Variants in MIS18BP1 observed in about 807,000 individuals in gnomAD.
MIS18BP1 encodes MIS18 binding protein 1.
A neutral mutation model predicts 116.1 loss-of-function variants in MIS18BP1; 72 were observed. That is an observed-to-expected ratio of 0.62 (90% CI 0.51 to 0.75). The LOEUF (loss-of-function observed/expected upper bound fraction) is 0.75. Among genes scored for constraint, MIS18BP1 ranks in the 30% least tolerant of loss-of-function variants. The pLI, the probability that MIS18BP1 is intolerant of heterozygous loss-of-function variation, is 0.00. For missense variants in MIS18BP1, 1,363 were observed against 1,303.2 expected (o/e 1.05, Z -0.71); for synonymous variants, 386 against 427.0 (o/e 0.90, Z 1.18).
Position 45,204,057 on chromosome 14 carries a change from AAC to A in MIS18BP1, c.*50_*51del. On this transcript the variant is annotated 3_prime_UTR_variant, in exon 17 of 17. Coordinates refer to ENST00000310806, the MANE Select transcript of MIS18BP1 (RefSeq NM_018353.5). Reference sequence around the variant, plus strand: ...TACATGTACTCCAGTTGAAAATACAAACACTGTCTGCTTTATGGTAAAAATCC... The same window carrying A: ...TACATGTACTCCAGTTGAAAATACAAACTGTCTGCTTTATGGTAAAAATCC... 6.3e-7 allele frequency: 1 copy of A among 1,577,778 alleles called. No individual in the cohort carries two copies. The highest frequency in any genetic ancestry group is 2.3e-5 in the East Asian group (1 of 44,010).
intron 6 of MIS18BP1, among the ~76,000 whole-genome samples, chr14:45,233,917 A>T (rs1318549886): frequency 6.6e-6 from 1 of 152,190 alleles, no homozygotes; most frequent in Non-Finnish European, 1.5e-5. Flanking sequence ...ATTGGCATTC[A>T]TCATCATATA....
Position 45,231,206 on chromosome 14 carries a change from C to A in MIS18BP1, c.1529G>T (p.Arg510Leu). 1 of 1,613,824 alleles carries A rather than the reference C, an allele frequency of 6.2e-7. No individual in the cohort carries two copies. The highest frequency in any genetic ancestry group is 8.5e-7 in the Non-Finnish European group (1 of 1,179,858). ...DIRKSMKNDA[R>L]ENQTDTAQRA... is the part of the protein sequence containing the mutation. ...TTGAGCAGTATCTGTTTGGTTTTCTCGTGCATCATTTTTCATTGATTTCCT... is the reference window on the plus strand; with the variant it reads ...TTGAGCAGTATCTGTTTGGTTTTCTAGTGCATCATTTTTCATTGATTTCCT... The change falls in exon 8 of 17, where the codon CGA becomes CTA. Residue 510 changes from arginine (R) to leucine (L), a missense_variant. Transcript: ENST00000310806.
At chr14:45,219,799 T>G (rs967979195) in intron 11 of MIS18BP1, among the ~76,000 whole-genome samples, 3 of 152,208 alleles carry the variant, frequency 2.0e-5, no homozygotes, top group East Asian at 1.9e-4. Flanking sequence ...GCTTCTCTAT[T>G]TGTGTGTGTG....
In MIS18BP1 at chr14:45,224,298, A is replaced by T. The variant is rs1328912797; in HGVS notation, c.2289T>A (p.Tyr763Ter). The change falls in exon 11 of 17, where the codon TAT (tyrosine) becomes TAA (stop). Residue 763 changes from tyrosine to a stop codon, truncating the protein, a stop_gained. Transcript: ENST00000310806. LOFTEE classifies it high-confidence loss of function. Reference protein sequence around the residue: ...KIENQVAMSFYKHQSSPDLSS... With the variant: ...KIENQVAMSF ...ACAAATCTGGTGAGGACTGATGCTT[A>T]TAAAATGACATAGCTACCTGATTTT... 6.2e-7 allele frequency: 1 copy of T among 1,613,902 alleles called. No homozygotes were observed. The highest frequency in any genetic ancestry group is 8.5e-7 in the Non-Finnish European group (1 of 1,179,962).
At chr14:45,211,258 A>T (rs1890666444) in intron 13 of MIS18BP1, among the ~76,000 whole-genome samples, 1 of 152,174 alleles carries the variant, frequency 6.6e-6, no homozygotes, top group Admixed American at 6.5e-5. Context: ...CAGGGGCCGG[A>T]TCCTGGCATA....
intron 13 of MIS18BP1, 23 bp from the exon 14 acceptor site, chr14:45,210,551 C>T: frequency 6.2e-7 from 1 of 1,612,726 alleles, no homozygotes; most frequent in East Asian, 2.2e-5. Flanking sequence ...TATTTATTAT[C>T]AGCAGGCACC....
intron 4 of MIS18BP1, chr14:45,241,428 C>A (rs983657919): frequency 6.6e-6 from 1 of 152,406 alleles, no homozygotes; most frequent in African/African-American, 2.4e-5. Flanking sequence ...CAAGACCACG[C>A]CATTGTGCTC....
chr14:45,221,968 GT>G (rs1292725672), intron 11 of MIS18BP1, among the ~76,000 whole-genome samples: 1 of 152,094 alleles, frequency 6.6e-6, no homozygotes, highest in African/African-American at 2.4e-5. Flanking sequence ...TGCCTTCCTG[GT>G]GACTGACCCT....
chr14:45,247,079 T>A lies in MIS18BP1; in HGVS notation c.208A>T (p.Asn70Tyr), dbSNP rs368313239. 26 of 1,612,624 alleles carry A rather than the reference T, an allele frequency of 1.6e-5. No individual in the cohort carries two copies. Among genetic ancestry groups the A allele is most frequent in the Non-Finnish European group, 2.0e-5 (24 of 1,179,712 alleles). ...KNQFLKMTTF[N>Y]NKNIFQSTML... ...GTTGATTGAAATATATTTTTATTGT[T>A]AAAAGTTGTCATTTTTAGGAACTGA... is the stretch of plus-strand genomic sequence containing the variant. Residue 70 changes from asparagine (N) to tyrosine (Y), a missense_variant, in exon 2 of 17, where the codon AAC (asparagine) becomes TAC (tyrosine). Transcript: ENST00000310806.
Position 45,218,336 on chromosome 14 carries a change from CT to C in MIS18BP1, c.2787del (p.Gly930AspfsTer32). 6.2e-7 allele frequency: 1 copy of C among 1,614,002 alleles called. No homozygotes were observed. The highest frequency in any genetic ancestry group is 8.5e-7 in the Non-Finnish European group (1 of 1,179,996). ...QRKYMENPRG[K>X]GSQKHVTKKK... Reference sequence around the variant, plus strand: ...TTCTTAGTGACATGTTTCTGGGATCCTTTTCCTCTGGGATTTTCCATGTATT... The same window carrying C: ...TTCTTAGTGACATGTTTCTGGGATCCTTTCCTCTGGGATTTTCCATGTATT... On this transcript the variant is annotated frameshift_variant, in exon 12 of 17. Transcript: ENST00000310806. LOFTEE classifies it high-confidence loss of function.
intron 13 of MIS18BP1, among the ~76,000 whole-genome samples, chr14:45,211,943 C>A (rs943610620): frequency 2.6e-5 from 4 of 152,226 alleles, no homozygotes; most frequent in African/African-American, 9.7e-5. Flanking sequence ...ATGTTGGAAC[C>A]AGGTGAGCTG....
intron 13 of MIS18BP1, among the ~76,000 whole-genome samples, chr14:45,213,047 C>T (rs780741044): frequency 6.6e-6 from 1 of 152,196 alleles, no homozygotes; most frequent in African/African-American, 2.4e-5. Flanking sequence ...GTCAAATTCT[C>T]TTTTTAAAAA....
At chr14:45,245,345 C>T (rs569997838) in intron 2 of MIS18BP1, among the ~76,000 whole-genome samples, 3 of 152,008 alleles carry the variant, frequency 2.0e-5, no homozygotes, top group South Asian at 2.1e-4. Flanking sequence ...TTCTCAGTGG[C>T]CTTTCTACTC....
rs532310961 is a variant in MIS18BP1 at position 45,248,067 on chromosome 14, T to TC, written c.-91-691_-91-690insG. 6.9e-3 allele frequency among the ~76,000 whole-genome samples: 1,031 copies of TC among 149,594 alleles called. 21 individuals carry two copies. Among genetic ancestry groups the TC allele is most frequent in the African/African-American group, 0.024 (979 of 40,610 alleles). On this transcript the variant is annotated intron_variant, in intron 1 of 16. Transcript: ENST00000310806. Reference sequence around the variant, plus strand: ...TCTTGTTTCTTTCGTTTTTTTTTTTTTTTTTTCTTTTTTTGGAGACAGAGT... The same window carrying TC: ...TCTTGTTTCTTTCGTTTTTTTTTTTTCTTTTTTCTTTTTTTGGAGACAGAGT...
At chr14:45,235,229 C>T (rs976701283) in intron 6 of MIS18BP1, among the ~76,000 whole-genome samples, 1 of 145,162 alleles carries the variant, frequency 6.9e-6, no homozygotes, top group African/African-American at 2.5e-5. Context: ...AAAACAACCC[C>T]AAGCCTCTTA....
intron 8 of MIS18BP1, among the ~76,000 whole-genome samples, chr14:45,230,936 T>A (rs1170665876): frequency 6.6e-6 from 1 of 152,178 alleles, no homozygotes. Flanking sequence ...TGGTATTTGA[T>A]GAAGCAAGCT....
chr14:45,205,227 A>G (rs1890482118), intron 15 of MIS18BP1, among the ~76,000 whole-genome samples: 1 of 152,128 alleles, frequency 6.6e-6, no homozygotes, highest in East Asian at 1.9e-4. Flanking sequence ...ACACTGCATT[A>G]TATCATTTAG....
At chr14:45,248,706 A>G (rs1164123466) in intron 1 of MIS18BP1, among the ~76,000 whole-genome samples, 1 of 152,224 alleles carries the variant, frequency 6.6e-6, no homozygotes, top group African/African-American at 2.4e-5. Context: ...TTATGATAAT[A>G]GAGAAAAAAA....
rs778573542 is a variant in MIS18BP1 at position 45,208,426 on chromosome 14, G to A, written c.3152+1954C>T. ...CGGCTCACTGCAACCTCTGCCTCCC[G>A]GGTTCAGGTGATTCTCCTGCCTCAG... On this transcript the variant is annotated intron_variant, in intron 14 of 16. Coordinates refer to ENST00000310806, the MANE Select transcript of MIS18BP1 (RefSeq NM_018353.5). 2.0e-4 allele frequency among the ~76,000 whole-genome samples: 29 copies of A among 143,992 alleles called. 1 individual carries two copies. The highest frequency in any genetic ancestry group is 4.0e-4 in the Non-Finnish European group (27 of 66,804). 94.5% of individuals were successfully genotyped at this position (143,992 alleles called of 152,430 possible).
Sources: gnomAD v4.1 joint callset for allele counts (sites outside exome capture counted in the v4.1 genomes callset) on GRCh38, gnomAD v4.1.1 for gene constraint, MANE v1.5 for transcripts, NCBI Gene and HGNC (gene_info 2026-07-23, HGNC 2026-07-21) for gene names.